ZNF671: variants seen among roughly 807,000 people sequenced by gnomAD.
The protein encoded by ZNF671 is hypothetical protein FLJ23506.
Under a neutral mutation model 16.6 loss-of-function variants are expected in ZNF671, and 19 were observed. The observed-to-expected ratio is 1.14, with a 90% confidence interval of 0.80 to 1.68. ZNF671 has a LOEUF of 1.68. Among genes scored for constraint, ZNF671 ranks in the 40% most tolerant of loss-of-function variants. The pLI, the probability that ZNF671 is intolerant of heterozygous loss-of-function variation, is 0.00. For missense variants in ZNF671, 637 were observed against 659.8 expected, an observed-to-expected ratio of 0.97 and a Z score of 0.38; for synonymous variants, 238 against 236.3, an observed-to-expected ratio of 1.01 and a Z score of -0.06.
chr19:57,720,590 T>C lies in ZNF671; in HGVS notation c.1496A>G (p.Lys499Arg). Residue 499 changes from lysine (K) to arginine (R), a missense_variant, in exon 4 of 4, where the codon AAA becomes AGA. Transcript: ENST00000317398. ...TQRPNLIRHW[K>R]VHTGERPYVC... Reference sequence around the variant, plus strand: ...ATAAGGCCTTTCCCCAGTGTGGACTTTCCAGTGCCTGATGAGGTTGGGTCT... The same window carrying C: ...ATAAGGCCTTTCCCCAGTGTGGACTCTCCAGTGCCTGATGAGGTTGGGTCT... The C allele has an allele frequency of 1.2e-6, 2 of 1,614,016 alleles. No homozygotes were observed. Among genetic ancestry groups the C allele is most frequent in the East Asian group, 2.2e-5 (1 of 44,854 alleles).
rs912994748 is a variant in ZNF671 at position 57,722,444 on chromosome 19, G to A, written c.266-6C>T. 1.2e-6 allele frequency: 2 copies of A among 1,612,990 alleles called. No individual in the cohort carries two copies. The highest frequency in any genetic ancestry group is 3.3e-5 in the Admixed American group (2 of 59,980). On this transcript the variant is annotated splice_region_variant and splice_polypyrimidine_tract_variant and intron_variant, in intron 2 of 3. Transcript: ENST00000317398. ...TGATCTGGAAAATGCAATTCCTAAGGGAAAGTCAGAACAGGTGAGCAGCCA... is the reference window on the plus strand; with the variant it reads ...TGATCTGGAAAATGCAATTCCTAAGAGAAAGTCAGAACAGGTGAGCAGCCA...
At chr19:57,726,676 C>A (rs986253682) in intron 1 of ZNF671, among the ~76,000 whole-genome samples, 1 of 152,180 alleles carries the variant, frequency 6.6e-6, no homozygotes, top group Non-Finnish European at 1.5e-5. Flanking sequence ...CTAAGCCCAG[C>A]CCCTTCCCCA....
Position 57,721,236 on chromosome 19 carries a change from A to G in ZNF671, c.850T>C (p.Tyr284His), listed in dbSNP as rs1211373296. 5 of 1,597,692 alleles carry G rather than the reference A, an allele frequency of 3.1e-6. No homozygotes were observed. Among genetic ancestry groups the G allele is most frequent in the Non-Finnish European group, 4.3e-6 (5 of 1,170,404 alleles). ...LVSGFLMGQR[Y>H]HRCGECGKAF... ...TTCCCACATTCACCACACCTGTGAT[A>G]CCTCTGTCCCATGAGAAAGCCACTC... The change falls in exon 4 of 4, where the codon TAT (tyrosine) becomes CAT (histidine). Residue 284 changes from tyrosine to histidine, a missense_variant. Physicochemically the swap from Tyr to His is moderately conservative, Grantham distance 83 (BLOSUM62 2). Transcript: ENST00000317398.
chr19:57,723,315 A>C lies in ZNF671; in HGVS notation c.164T>G (p.Phe55Cys). The change falls in exon 2 of 4, where the codon TTT (phenylalanine) becomes TGT (cysteine). Residue 55 changes from phenylalanine (F) to cysteine (C), a missense_variant. Phe to Cys is a radical substitution (Grantham distance 205). Coordinates refer to ENST00000317398, the MANE Select transcript of ZNF671 (RefSeq NM_024833.3). ...ARGCVVFEDVFVYFSREEWEL... is the reference protein window; with the variant it reads ...ARGCVVFEDVCVYFSREEWEL... Reference sequence around the variant, plus strand: ...CCATTCTTCCCGAGAGAAGTATACAAACACATCCTCAAAGACCACACAGCC... The same window carrying C: ...CCATTCTTCCCGAGAGAAGTATACACACACATCCTCAAAGACCACACAGCC... 1 of 1,613,352 alleles carries C rather than the reference A, an allele frequency of 6.2e-7. No individual in the cohort carries two copies. The highest frequency in any genetic ancestry group is 8.5e-7 in the Non-Finnish European group (1 of 1,179,496).
At chr19:57,727,260 A>G (rs768300736) in intron 1 of ZNF671, 131 bp downstream of exon 1, 62 of 1,325,082 alleles carry the variant, frequency 4.7e-5, no homozygotes, top group Non-Finnish European at 5.8e-5. Context: ...TAACTCTCCC[A>G]CACCCACCCA....
In ZNF671 at chr19:57,723,305, G is replaced by A. The variant is rs1051251582; in HGVS notation, c.174C>T (p.Phe58=). The change falls in exon 2 of 4, where the codon TTC becomes TTT. Residue 58 remains phenylalanine, a synonymous_variant. Transcript: ENST00000317398. The part of the protein sequence containing the change: ...CVVFEDVFVY[F]SREEWELLDD... ...CAAGAAGCTCCCATTCTTCCCGAGA[G>A]AAGTATACAAACACATCCTCAAAGA... is the stretch of plus-strand genomic sequence containing the variant. The A allele has an allele frequency of 1.2e-6, 2 of 1,613,568 alleles. No individual in the cohort carries two copies. Among genetic ancestry groups the A allele is most frequent in the Non-Finnish European group, 1.7e-6 (2 of 1,179,668 alleles).
Position 57,723,231 on chromosome 19 carries a change from G to A in ZNF671, c.248C>T (p.Ala83Val), listed in dbSNP as rs373536046. 9.3e-6 allele frequency: 15 copies of A among 1,612,450 alleles called. No homozygotes were observed. In the South Asian group the frequency reaches 1.5e-4, roughly 17 times the overall value. ...GACCTTACCCAGTGAGGCTAAAAGT[G>A]CAAAGTTCTCCAGCATCACATCATG... ...LYHDVMLENFALLASLGIAFS... is the reference protein window; with the variant it reads ...LYHDVMLENFVLLASLGIAFS... The change falls in exon 2 of 4, where the codon GCA becomes GTA. Residue 83 changes from alanine to valine, a missense_variant. By Grantham distance (64) the Ala-to-Val change is moderately conservative. Coordinates refer to ENST00000317398, the MANE Select transcript of ZNF671 (RefSeq NM_024833.3).
intron 3 of ZNF671, chr19:57,722,079 CTG>C: frequency 1.6e-6 from 1 of 618,084 alleles, no homozygotes; most frequent in Non-Finnish European, 2.7e-6. Context: ...CAGGTCAATA[CTG>C]CCAAAAAATG....
rs766592424 is a variant in ZNF671, at chr19:57,720,552, A to G, written c.1534T>C (p.Cys512Arg). ...TGTTTCCGGATGAATTCTCTCCCGC[A>G]CTCACTACACACATAAGGCCTTTCC... ...TGERPYVCSECGREFIRKQTL... is the reference protein window; with the variant it reads ...TGERPYVCSERGREFIRKQTL... The change falls in exon 4 of 4, where the codon TGC becomes CGC. Residue 512 changes from cysteine (C) to arginine (R), a missense_variant. Cys to Arg is a radical substitution (Grantham distance 180, BLOSUM62 -3). Transcript: ENST00000317398. 2 of 1,614,014 alleles carry G rather than the reference A, an allele frequency of 1.2e-6. No homozygotes were observed. Among genetic ancestry groups the G allele is most frequent in the African/African-American group, 1.3e-5 (1 of 74,896 alleles).
intron 3 of ZNF671, 72 bp from the exon 4 acceptor site, chr19:57,721,769 A>G (rs1392614210): frequency 3.1e-5 from 48 of 1,527,352 alleles, no homozygotes; most frequent in Non-Finnish European, 3.9e-5. Flanking sequence ...GTATATGTGC[A>G]TTTGACACAT....
At chr19:57,723,811 A>G (rs554345894) in intron 1 of ZNF671, among the ~76,000 whole-genome samples, 2 of 149,742 alleles carry the variant, frequency 1.3e-5, no homozygotes, top group East Asian at 2.0e-4. Context: ...AAGGCAGATC[A>G]CGAGGTCAAG....
chr19:57,726,496 C>T (rs944970092), intron 1 of ZNF671, among the ~76,000 whole-genome samples: 4 of 151,938 alleles, frequency 2.6e-5, no homozygotes, highest in African/African-American at 9.7e-5. Flanking sequence ...GGACCCTTCT[C>T]TTCTGGGGGG....
At chr19:57,722,901 A>T (rs1985926282) in intron 2 of ZNF671, among the ~76,000 whole-genome samples, 1 of 152,180 alleles carries the variant, frequency 6.6e-6, no homozygotes, top group Non-Finnish European at 1.5e-5. Context: ...ACTCAAAAAA[A>T]AAAAGAAAAG....
intron 1 of ZNF671, among the ~76,000 whole-genome samples, chr19:57,726,089 C>A (rs10405090): frequency 1.6e-5 from 2 of 122,402 alleles, no homozygotes; most frequent in Admixed American, 8.0e-5. Context: ...CCCACTCCCC[C>A]GCCCCCACCC....
intron 1 of ZNF671, 117 bp downstream of exon 1, chr19:57,727,274 C>G (rs1394185488): frequency 7.1e-7 from 1 of 1,406,918 alleles, no homozygotes; most frequent in Non-Finnish European, 9.4e-7. Flanking sequence ...CCACCCACAC[C>G]GAGATAGGAC....
chr19:57,725,939 AAAAAT>A (rs958655177), intron 1 of ZNF671, among the ~76,000 whole-genome samples: 2 of 152,094 alleles, frequency 1.3e-5, no homozygotes, highest in African/African-American at 2.4e-5. Context: ...TCTCCAAAAA[AAAAAT>A]AAATAAATAA....
chr19:57,724,585 G>A (rs1600053583), intron 1 of ZNF671, among the ~76,000 whole-genome samples: 1 of 151,502 alleles, frequency 6.6e-6, no homozygotes, highest in South Asian at 2.1e-4. Flanking sequence ...GAGTGCAGTG[G>A]CACGATCTTG....
chr19:57,722,968 G>A (rs1985928245), intron 2 of ZNF671, among the ~76,000 whole-genome samples: 1 of 152,114 alleles, frequency 6.6e-6, no homozygotes, highest in Admixed American at 6.5e-5. Context: ...CATAATTTTG[G>A]ACAGAGTCAC....
Position 57,727,441 on chromosome 19 carries a change from C to T in ZNF671, c.88G>A (p.Ala30Thr), listed in dbSNP as rs764197664. 6.8e-6 allele frequency: 11 copies of T among 1,613,192 alleles called. No individual in the cohort carries two copies. Among genetic ancestry groups the T allele is most frequent in the Admixed American group, 3.3e-5 (2 of 59,970 alleles). ...RPRSRRLPLP[A>T]AVRAHGPMAE... ...ATAGGACCGTGGGCGCGGACAGCTG[C>T]CGGGAGCGGCAGGCGTCTCGATCGG... is the stretch of plus-strand genomic sequence containing the variant. Residue 30 changes from alanine (A) to threonine (T), a missense_variant, in exon 1 of 4, where the codon GCA (alanine) becomes ACA (threonine). By Grantham distance (58) the Ala-to-Thr change is moderately conservative. Coordinates refer to ENST00000317398, the MANE Select transcript of ZNF671 (RefSeq NM_024833.3).
Sources: allele counts gnomAD v4.1 joint callset (sites outside exome capture counted in the v4.1 genomes callset), GRCh38; gene constraint gnomAD v4.1.1; transcripts MANE v1.5; gene names NCBI Gene and HGNC (gene_info 2026-07-23, HGNC 2026-07-21).